Variants in CFAP20DC observed in about 807,000 individuals in gnomAD.
CFAP20DC encodes CFAP20 domain containing.
CFAP20DC carries 84 observed loss-of-function variants against 101.7 expected under a neutral mutation model. That is an observed-to-expected ratio of 0.83 (90% CI 0.69 to 0.99). The LOEUF (loss-of-function observed/expected upper bound fraction) is 0.99, where lower values mean the gene tolerates loss of function less well. Among genes scored for constraint, CFAP20DC ranks in the 50% least tolerant of loss-of-function variants. The probability of loss-of-function intolerance (pLI) is 0.00; values close to 1 mark genes in which losing one functional copy is unlikely to be tolerated. For missense variants in CFAP20DC, 1,007 were observed against 970.3 expected, an observed-to-expected ratio of 1.04 and a Z score of -0.50; for synonymous variants, 359 against 351.2, an observed-to-expected ratio of 1.02 and a Z score of -0.25.
At chr3:58,917,234 C>T (rs898387950) in intron 5 of CFAP20DC, among the ~76,000 whole-genome samples, 17 of 152,110 alleles carry the variant, frequency 1.1e-4, no homozygotes, top group Admixed American at 1.0e-3. Context: ...TTTACTAACT[C>T]ATGTTTGGAA....
intron 15 of CFAP20DC, among the ~76,000 whole-genome samples, chr3:58,773,905 A>G (rs2071083188): frequency 6.6e-6 from 1 of 152,232 alleles, no homozygotes; most frequent in Non-Finnish European, 1.5e-5. Context: ...AAAATCTCAG[A>G]GGAAACTCAT....
At chr3:58,929,761 G>A (rs2107645204) in intron 5 of CFAP20DC, among the ~76,000 whole-genome samples, 1 of 152,242 alleles carries the variant, frequency 6.6e-6, no homozygotes, top group South Asian at 2.1e-4. Context: ...GAAAGAAATG[G>A]TCAGTATGCA....
In CFAP20DC at chr3:58,892,950, T is replaced by C. The variant is rs950735685; in HGVS notation, c.551-8241A>G. Among the ~76,000 whole-genome samples the C allele has an allele frequency of 3.9e-5, 6 of 152,230 alleles. No individual in the cohort carries two copies. Among genetic ancestry groups the C allele is most frequent in the African/African-American group, 1.4e-4 (6 of 41,466 alleles). On this transcript the variant is annotated intron_variant, in intron 6 of 16. Transcript: ENST00000482387. This position sits in a 1 kb window ranked among gnomAD's most constrained non-coding sequence, Gnocchi z 4.0. The stretch of plus-strand genomic sequence containing the variant: ...GCTTTCAGCTTTTGCCTGTTCAGTA[T>C]GATATTGGCTGTGGGTTTGTCATAT...
rs1360020701 is a variant in CFAP20DC at position 58,964,848 on chromosome 3, C to T, written c.279-27086G>A. ...ATTTCTATTTTCTAAAGATAGGTTG[C>T]TGGATGTAGACTTGCCTGTCCAAAT... On this transcript the variant is annotated intron_variant, in intron 4 of 16. Coordinates refer to ENST00000482387, the MANE Select transcript of CFAP20DC (RefSeq NM_001394063.1). This position sits in a 1 kb window ranked among gnomAD's most constrained non-coding sequence, Gnocchi z 4.1. Among the ~76,000 whole-genome samples, 1 of 152,096 alleles carries T rather than the reference C, an allele frequency of 6.6e-6. No individual in the cohort carries two copies. The highest frequency in any genetic ancestry group is 2.4e-5 in the African/African-American group (1 of 41,424).
intron 16 of CFAP20DC, among the ~76,000 whole-genome samples, chr3:58,744,539 T>C (rs2068064784): frequency 6.6e-6 from 1 of 152,094 alleles, no homozygotes. Context: ...TTCAAAAATA[T>C]TGTTAAAGAT....
At chr3:58,772,150 T>A (rs894996767) in intron 15 of CFAP20DC, among the ~76,000 whole-genome samples, 2 of 152,198 alleles carry the variant, frequency 1.3e-5, no homozygotes, top group Non-Finnish European at 2.9e-5. Context: ...TCTTAAGTGA[T>A]GGCAGTTTGC....
At chr3:58,878,390 A>G (rs1576091594) in intron 7 of CFAP20DC, among the ~76,000 whole-genome samples, 1 of 152,294 alleles carries the variant, frequency 6.6e-6, no homozygotes, top group East Asian at 1.9e-4. Flanking sequence ...TAAAGTTAGG[A>G]TATTTAGACA....
intron 4 of CFAP20DC, among the ~76,000 whole-genome samples, chr3:58,977,936 C>T (rs543588858): frequency 8.5e-5 from 13 of 152,222 alleles, no homozygotes; most frequent in African/African-American, 2.4e-4. Flanking sequence ...AGGAGAGGAA[C>T]CTGTCACCAA....
At chr3:58,977,559 C>T (rs1157636986) in intron 4 of CFAP20DC, among the ~76,000 whole-genome samples, 1 of 152,118 alleles carries the variant, frequency 6.6e-6, no homozygotes, top group Non-Finnish European at 1.5e-5. Context: ...CAGGCAAATA[C>T]TGGCCTTTTC....
intron 4 of CFAP20DC, among the ~76,000 whole-genome samples, chr3:59,034,575 T>C (rs1384373708): frequency 6.6e-6 from 1 of 151,130 alleles, no homozygotes; most frequent in Non-Finnish European, 1.5e-5. Context: ...CTTTAAACTA[T>C]CAAAGATCAA....
intron 4 of CFAP20DC, among the ~76,000 whole-genome samples, chr3:59,039,109 T>C (rs1279005516): frequency 6.6e-6 from 1 of 152,098 alleles, no homozygotes; most frequent in Non-Finnish European, 1.5e-5. Flanking sequence ...ACAAATATAT[T>C]GCTAGCTGCT....
At chr3:58,866,962 A>C (rs548913846) in intron 10 of CFAP20DC, among the ~76,000 whole-genome samples, 1 of 152,316 alleles carries the variant, frequency 6.6e-6, no homozygotes, top group African/African-American at 2.4e-5. Flanking sequence ...AAAACCCATA[A>C]AATTTTTAAA....
At chr3:59,021,297 A>G (rs533151265) in intron 4 of CFAP20DC, among the ~76,000 whole-genome samples, 1 of 152,212 alleles carries the variant, frequency 6.6e-6, no homozygotes, top group South Asian at 2.1e-4. Context: ...CTAGGACAAG[A>G]GTGGCATCGA....
chr3:58,837,808 T>C (rs1460952604), intron 13 of CFAP20DC, among the ~76,000 whole-genome samples: 1 of 152,220 alleles, frequency 6.6e-6, no homozygotes, highest in Non-Finnish European at 1.5e-5. Context: ...AGAAAAGTAC[T>C]AGAAGTCCAT....
rs755845797 is a variant in CFAP20DC at position 58,884,631 on chromosome 3, G to A, written c.629C>T (p.Pro210Leu). The A allele has an allele frequency of 1.2e-6, 2 of 1,613,904 alleles. No homozygotes were observed. Among genetic ancestry groups the A allele is most frequent in the Non-Finnish European group, 1.7e-6 (2 of 1,179,844 alleles). Residue 210 changes from proline to leucine, a missense_variant, in exon 7 of 17, where the codon CCA (proline) becomes CTA (leucine). Transcript: ENST00000482387. ...PRSCQLMTDV[P>L]HVTQLLNMTK... ...CATGTTTAGCAGCTGTGTGACATGT[G>A]GAACATCTGTCATTAGTTGACAGCT...
chr3:58,909,014 C>T (rs890008715), intron 6 of CFAP20DC, among the ~76,000 whole-genome samples: 3 of 152,196 alleles, frequency 2.0e-5, no homozygotes, highest in South Asian at 4.1e-4. Context: ...AAAGAAATAG[C>T]TGGAGCACAG....
intron 4 of CFAP20DC, among the ~76,000 whole-genome samples, chr3:58,938,924 G>T (rs2088103414): frequency 6.6e-6 from 1 of 152,086 alleles, no homozygotes; most frequent in African/African-American, 2.4e-5. Flanking sequence ...TCAATCCATA[G>T]TCAGAGCTAA....
intron 5 of CFAP20DC, among the ~76,000 whole-genome samples, chr3:58,929,859 T>A (rs1255059495): frequency 6.6e-6 from 1 of 152,206 alleles, no homozygotes; most frequent in African/African-American, 2.4e-5. Flanking sequence ...TACTTATGAT[T>A]GCCACGCTCC....
chr3:59,025,658 A>G (rs1217378038), intron 4 of CFAP20DC, among the ~76,000 whole-genome samples: 4 of 152,110 alleles, frequency 2.6e-5, no homozygotes, highest in South Asian at 4.1e-4. Context: ...CACCATGCTA[A>G]TAAGTGGTAG....
Sources: allele counts gnomAD v4.1 joint callset (sites outside exome capture counted in the v4.1 genomes callset), GRCh38; gene constraint gnomAD v4.1.1; non-coding constraint Gnocchi (gnomAD v3.1); transcripts MANE v1.5; gene names NCBI Gene and HGNC (gene_info 2026-07-23, HGNC 2026-07-21).